The following RNF150 variants were observed in gnomAD, a reference collection of about 807,000 sequenced individuals.
The protein encoded by RNF150 is ring finger protein 150.
RNF150 carries 24 observed loss-of-function variants against 39.3 expected under a neutral mutation model. The ratio of observed to expected loss-of-function variants is 0.61; its 90% CI spans 0.44 to 0.86. RNF150 has a LOEUF of 0.86. Among genes scored for constraint, RNF150 ranks in the 40% least tolerant of loss-of-function variants. The pLI is 0.00. For missense variants in RNF150, 502 were observed against 587.8 expected, an observed-to-expected ratio of 0.85 and a Z score of 1.51; for synonymous variants, 255 against 227.3, an observed-to-expected ratio of 1.12 and a Z score of -1.10.
chr4:141,034,289 T>G (rs535082593), intron 1 of RNF150, among the ~76,000 whole-genome samples: 57 of 152,308 alleles, frequency 3.7e-4, no homozygotes, highest in African/African-American at 1.1e-3. Flanking sequence ...AACTTTTCTT[T>G]TGCAGCTTCT....
intron 1 of RNF150, among the ~76,000 whole-genome samples, chr4:141,178,523 A>C (rs751973356): frequency 6.6e-6 from 1 of 152,188 alleles, no homozygotes; most frequent in Admixed American, 6.5e-5. Flanking sequence ...TTTTTGAAAG[A>C]ATTTTAGTGC....
chr4:141,031,471 G>T (rs1037437723), intron 1 of RNF150, among the ~76,000 whole-genome samples: 1 of 151,884 alleles, frequency 6.6e-6, no homozygotes, highest in Non-Finnish European at 1.5e-5. Flanking sequence ...ACAACCCATG[G>T]AATGAAAGAA....
chr4:141,186,684 C>A (rs1728018973), intron 1 of RNF150, among the ~76,000 whole-genome samples: 1 of 152,106 alleles, frequency 6.6e-6, no homozygotes, highest in Admixed American at 6.5e-5. Context: ...GGATTACAGG[C>A]ATGAGCCACT....
intron 5 of RNF150, among the ~76,000 whole-genome samples, chr4:140,924,503 A>G (rs1731308256): frequency 6.6e-6 from 1 of 152,196 alleles, no homozygotes; most frequent in South Asian, 2.1e-4. Context: ...AACAATAGGA[A>G]CACATCAAAG....
intron 1 of RNF150, among the ~76,000 whole-genome samples, chr4:141,037,443 G>A (rs1736187703): frequency 6.6e-6 from 1 of 152,052 alleles, no homozygotes; most frequent in South Asian, 2.1e-4. Context: ...TTTGGAAGAA[G>A]ACAGAAAACA....
intron 6 of RNF150, among the ~76,000 whole-genome samples, chr4:140,878,165 T>G (rs894868560): frequency 6.7e-5 from 3 of 44,768 alleles, no homozygotes; most frequent in South Asian, 1.2e-3. Context: ...TCTCATTGTG[T>G]TTTTTTTTTT....
At chr4:141,092,274 C>T (rs1297264088) in intron 1 of RNF150, among the ~76,000 whole-genome samples, 2 of 151,220 alleles carry the variant, frequency 1.3e-5, no homozygotes, top group Non-Finnish European at 2.9e-5. Flanking sequence ...ACCTGGGAGG[C>T]AGAGGTTGTG....
At chr4:140,992,415 A>C (rs1411558775) in intron 1 of RNF150, among the ~76,000 whole-genome samples, 1 of 152,026 alleles carries the variant, frequency 6.6e-6, no homozygotes, top group Non-Finnish European at 1.5e-5. Flanking sequence ...AAAAGAGTTA[A>C]CCAGGGAATG....
intron 1 of RNF150, among the ~76,000 whole-genome samples, chr4:141,056,368 C>A (rs944014814): frequency 3.3e-5 from 5 of 152,180 alleles, no homozygotes; most frequent in African/African-American, 1.2e-4. Flanking sequence ...AGACTCCCAT[C>A]TCTATTTTTA....
intron 6 of RNF150, among the ~76,000 whole-genome samples, chr4:140,893,622 C>T (rs1449998231): frequency 6.6e-6 from 1 of 152,092 alleles, no homozygotes; most frequent in Non-Finnish European, 1.5e-5. Flanking sequence ...CTTTTAGAAC[C>T]ATGCTCAGCA....
At chr4:141,114,501 G>A (rs1166686872) in intron 1 of RNF150, among the ~76,000 whole-genome samples, 1 of 152,126 alleles carries the variant, frequency 6.6e-6, no homozygotes, top group African/African-American at 2.4e-5. Context: ...TGAAATTGAG[G>A]CAGTAATTAA....
intron 1 of RNF150, among the ~76,000 whole-genome samples, chr4:141,043,576 A>C (rs1357999231): frequency 6.6e-6 from 1 of 152,084 alleles, no homozygotes; most frequent in Non-Finnish European, 1.5e-5. Flanking sequence ...TCTTCTCATA[A>C]ATATGTTGTT....
chr4:141,176,105 C>G (rs1346331817), intron 1 of RNF150, among the ~76,000 whole-genome samples: 1 of 151,176 alleles, frequency 6.6e-6, no homozygotes, highest in Non-Finnish European at 1.5e-5. Flanking sequence ...GCCATGTTGC[C>G]TAGGCTGGTG....
In RNF150 at chr4:141,128,839, A is replaced by C. The variant is rs539603221; in HGVS notation, c.484+3486T>G. On this transcript the variant is annotated intron_variant, in intron 1 of 6. Coordinates refer to ENST00000515673, the MANE Select transcript of RNF150 (RefSeq NM_020724.2). ...GGTGGGTGTAAGGTGAAAGGGAATA[A>C]AATGAATAGCAGAAAAAAACAAGAC... Among the ~76,000 whole-genome samples the C allele has an allele frequency of 9.6e-4, 146 of 152,328 alleles. No individual in the cohort carries two copies. The Middle Eastern group carries it at 0.01, about 11-fold the overall frequency.
intron 1 of RNF150, among the ~76,000 whole-genome samples, chr4:141,087,822 T>C (rs1200977801): frequency 6.6e-6 from 1 of 152,214 alleles, no homozygotes; most frequent in Non-Finnish European, 1.5e-5. Context: ...TGTAACACTG[T>C]TTCATGGACT....
intron 1 of RNF150, among the ~76,000 whole-genome samples, chr4:141,146,944 A>G (rs1469798956): frequency 6.6e-6 from 1 of 152,156 alleles, no homozygotes; most frequent in Non-Finnish European, 1.5e-5. Context: ...AGCTCTTTAG[A>G]GAATGTGACT....
At chr4:140,949,683 C>A (rs1328268999) in intron 2 of RNF150, among the ~76,000 whole-genome samples, 8 of 148,310 alleles carry the variant, frequency 5.4e-5, no homozygotes, top group South Asian at 2.1e-4. Flanking sequence ...TACCCCCCCC[C>A]AAAAAAAAAT....
chr4:141,162,711 C>A lies in RNF150; in HGVS notation c.-6+50083G>T, dbSNP rs111606481. Among the ~76,000 whole-genome samples the A allele has an allele frequency of 2.6e-3, 403 of 152,212 alleles. 1 individual carries two copies. Among genetic ancestry groups the A allele is most frequent in the African/African-American group, 9.2e-3 (381 of 41,538 alleles). On this transcript the variant is annotated intron_variant, in intron 1 of 7. Coordinates refer to the RNF150 transcript ENST00000420921. ...CCCAGAACCACAAGGGGTCAAGGAA[C>A]TCCATTTCCTAGCCAAGGAAAAGCA...
intron 1 of RNF150, among the ~76,000 whole-genome samples, chr4:141,183,518 A>C (rs1009197596): frequency 7.0e-6 from 1 of 143,456 alleles, no homozygotes; most frequent in African/African-American, 3.0e-5. Flanking sequence ...TCAAGATTTT[A>C]TTTTATTTTA....
Sources: allele counts gnomAD v4.1 joint callset (sites outside exome capture counted in the v4.1 genomes callset), GRCh38; gene constraint gnomAD v4.1.1; transcripts MANE v1.5; gene names NCBI Gene and HGNC (gene_info 2026-07-23, HGNC 2026-07-21).